DNAH3: variants seen among roughly 807,000 people sequenced by gnomAD.
DNAH3 encodes axonemal beta dynein heavy chain 3.
A neutral mutation model predicts 432.5 loss-of-function variants in DNAH3; 332 were observed. That is an observed-to-expected ratio of 0.77 (90% CI 0.70 to 0.84). DNAH3 has a LOEUF of 0.84. Among genes scored for constraint, DNAH3 ranks in the 40% least tolerant of loss-of-function variants. The probability of loss-of-function intolerance (pLI) is 0.00; values close to 1 mark genes in which losing one functional copy is unlikely to be tolerated. For synonymous variants in DNAH3, 1,956 were observed against 1,900.2 expected (o/e 1.03, Z -0.76); for missense variants, 4,861 against 5,114.0 (o/e 0.95, Z 1.51).
intron 42 of DNAH3, 140 bp from the exon 43 acceptor site, chr16:21,000,658 G>A: frequency 1.5e-6 from 1 of 671,324 alleles, no homozygotes; most frequent in Non-Finnish European, 2.4e-6. Context: ...ACCTCTCCAT[G>A]GGCCTCAGTT....
chr16:21,020,022 ATTT>A (rs140295740), intron 40 of DNAH3, among the ~76,000 whole-genome samples, 153 bp from the exon 41 acceptor site: 9 of 138,500 alleles, frequency 6.5e-5, no homozygotes, highest in Admixed American at 7.4e-5. Context: ...TTTCACATGC[ATTT>A]TTTTTTTTTT....
chr16:21,049,939 T>C (rs2089882618), exon 30 of DNAH3: 3 of 1,614,054 alleles, frequency 1.9e-6, no homozygotes, highest in Non-Finnish European at 8.5e-7. Context: ...GCCAAATCTT[T>C]GGTGGTTTCT....
intron 2 of DNAH3, 58 bp downstream of exon 3, chr16:21,145,926 G>C: frequency 9.3e-7 from 1 of 1,070,534 alleles, no homozygotes; most frequent in Non-Finnish European, 1.5e-6. Context: ...GAGAGAAGTG[G>C]GGGATGCACT....
chr16:21,112,436 G>A (rs2092097289), intron 12 of DNAH3, among the ~76,000 whole-genome samples: 1 of 152,142 alleles, frequency 6.6e-6, no homozygotes, highest in Admixed American at 6.6e-5. Context: ...ACATGGCTGG[G>A]GAGGCCTCAG....
At position 21,036,874 on chromosome 16, in the gene DNAH3, T is replaced by G. The variant is rs777712363; in HGVS notation, c.4951-26A>C. 7.6e-6 allele frequency: 12 copies of G among 1,583,136 alleles called. No homozygotes were observed. The African/African-American group carries it at 1.6e-4, about 21-fold the overall frequency. On this transcript the variant is annotated intron_variant, in intron 34 of 61. Transcript: ENST00000261383. ...CTGTTAAAAAGAATTTAAAAGAAAG[T>G]GGAAAGGATAAAGTATCAGATATAT...
At chr16:20,988,608 A>G (rs1349352369) in intron 44 of DNAH3, among the ~76,000 whole-genome samples, 1 of 152,202 alleles carries the variant, frequency 6.6e-6, no homozygotes, top group Non-Finnish European at 1.5e-5. Flanking sequence ...CCCAGCCTCA[A>G]GAATGTTTTT....
intron 37 of DNAH3, among the ~76,000 whole-genome samples, chr16:21,028,755 T>C (rs368740935): frequency 1.2e-4 from 19 of 152,112 alleles, no homozygotes; most frequent in Admixed American, 6.5e-5. Context: ...TTGGAATATA[T>C]ACTAAGTCAA....
chr16:21,091,501 AT>A (rs1378878015), intron 18 of DNAH3, among the ~76,000 whole-genome samples: 1 of 152,206 alleles, frequency 6.6e-6, no homozygotes, highest in Non-Finnish European at 1.5e-5. Flanking sequence ...CCAAGATAGC[AT>A]CAATGAACAG....
At chr16:21,012,939 T>C (rs1414040715) in intron 41 of DNAH3, among the ~76,000 whole-genome samples, 1 of 152,024 alleles carries the variant, frequency 6.6e-6, no homozygotes, top group African/African-American at 2.4e-5. Context: ...TTTTCGTTTT[T>C]TGTTTTTGTA....
At chr16:20,963,209 G>T in intron 53 of DNAH3, 75 bp downstream of exon 53, 1 of 1,410,722 alleles carries the variant, frequency 7.1e-7, no homozygotes, top group Non-Finnish European at 9.7e-7. Flanking sequence ...GATCCCTGCT[G>T]TAAGGGACGG....
intron 41 of DNAH3, among the ~76,000 whole-genome samples, chr16:21,015,917 T>A (rs548197807): frequency 1.8e-4 from 27 of 152,202 alleles, no homozygotes; most frequent in African/African-American, 6.5e-4. Flanking sequence ...GCCTCCTGAG[T>A]AGCTGGGACT....
intron 18 of DNAH3, among the ~76,000 whole-genome samples, chr16:21,091,949 A>G (rs2091548431): frequency 6.6e-6 from 1 of 152,258 alleles, no homozygotes; most frequent in Non-Finnish European, 1.5e-5. Flanking sequence ...AAAAACTCTG[A>G]TGAAAGAAAT....
chr16:20,933,503 G>A (rs1404599754), exon 62 of DNAH3: 4 of 1,577,640 alleles, frequency 2.5e-6, no homozygotes, highest in Non-Finnish European at 3.4e-6. Flanking sequence ...TTCTTGTGGG[G>A]TTACCTGGAA....
intron 48 of DNAH3, among the ~76,000 whole-genome samples, chr16:20,983,925 G>A (rs2086041604): frequency 2.0e-5 from 3 of 151,724 alleles, no homozygotes; most frequent in African/African-American, 7.3e-5. Context: ...TACTCAGGAG[G>A]CTGAGGTGAG....
rs1319177071 is a variant in DNAH3 at position 21,075,940 on chromosome 16, AG to A, written c.2970-380del. On this transcript the variant is annotated intron_variant, in intron 20 of 61. Transcript: ENST00000261383. ...AAAAAAAAAAAAAAAAAAAAAAAAAAGGGAGGAATTTCAGCTCAGTCTTAGG... is the reference window on the plus strand; with the variant it reads ...AAAAAAAAAAAAAAAAAAAAAAAAAAGGAGGAATTTCAGCTCAGTCTTAGG... 1.8e-3 allele frequency among the ~76,000 whole-genome samples: 251 copies of A among 139,512 alleles called. 2 individuals carry two copies. Among genetic ancestry groups the A allele is most frequent in the African/African-American group, 6.7e-3 (233 of 34,638 alleles). The allele number at this position is 139,512 out of a possible 152,430, so 91.5% of individuals were successfully genotyped here. A position where few individuals can be genotyped will look rare whatever the true frequency, so the allele number is the denominator to read the frequency against.
chr16:21,154,715 AG>A (rs2092887417), intron 1 of DNAH3, among the ~76,000 whole-genome samples: 1 of 152,222 alleles, frequency 6.6e-6, no homozygotes, highest in Non-Finnish European at 1.5e-5. Context: ...TCACACAGCT[AG>A]GTCATCAGGA....
intron 52 of DNAH3, among the ~76,000 whole-genome samples, chr16:20,966,782 C>T (rs923165059): frequency 1.3e-4 from 20 of 152,176 alleles, no homozygotes; most frequent in Non-Finnish European, 5.9e-5. Context: ...AATCAGTCCT[C>T]CCTTTGATGA....
In DNAH3 at chr16:21,040,497, T is replaced by C. The variant is rs186531985; in HGVS notation, c.4639-554A>G. 9.8e-4 allele frequency among the ~76,000 whole-genome samples: 148 copies of C among 150,672 alleles called. 1 individual carries two copies. Among genetic ancestry groups the C allele is most frequent in the African/African-American group, 3.4e-3 (139 of 41,062 alleles). ...CTCGTGCCTCAGCCTCCCAAACACC[T>C]GGGGATTACAGGTGCCCAACACCAG... is the stretch of plus-strand genomic sequence containing the variant. On this transcript the variant is annotated intron_variant, in intron 32 of 61. Transcript: ENST00000261383.
exon 60 of DNAH3, chr16:20,936,655 G>T: frequency 6.3e-7 from 1 of 1,594,910 alleles, no homozygotes; most frequent in Non-Finnish European, 8.5e-7. Context: ...GTACCTGGAA[G>T]AAGGTCAGGC....
Sources: allele counts gnomAD v4.1 joint callset (sites outside exome capture counted in the v4.1 genomes callset), GRCh38; gene constraint gnomAD v4.1.1; transcripts MANE v1.5; gene names NCBI Gene and HGNC (gene_info 2026-07-23, HGNC 2026-07-21).